SLCO6A1: variants seen among roughly 807,000 people sequenced by gnomAD.
SLCO6A1 encodes the protein solute carrier organic anion transporter family member 6A1.
SLCO6A1 carries 65 observed loss-of-function variants against 72.7 expected under a neutral mutation model. The observed-to-expected ratio is 0.89, with a 90% CI of 0.73 to 1.10. The LOEUF is 1.10. Ranked by LOEUF, SLCO6A1 falls within the 50% of genes least tolerant of loss-of-function variation. The pLI, the probability that SLCO6A1 is intolerant of heterozygous loss-of-function variation, is 0.00. For synonymous variants in SLCO6A1, 314 were observed against 298.2 expected, an observed-to-expected ratio of 1.05 and a Z score of -0.55; for missense variants, 874 against 872.6, an observed-to-expected ratio of 1.00 and a Z score of -0.02.
chr5:102,408,744 T>TA (rs1364349534), intron 9 of SLCO6A1, among the ~76,000 whole-genome samples: 53 of 152,062 alleles, frequency 3.5e-4, no homozygotes, highest in African/African-American at 1.3e-3. Flanking sequence ...TAAATAAAAG[T>TA]CAATATTGAT....
chr5:102,390,873 G>A (rs1051030335), intron 11 of SLCO6A1, 108 bp downstream of exon 11: 8 of 911,930 alleles, frequency 8.8e-6, no homozygotes, highest in East Asian at 2.7e-5. Flanking sequence ...CCTTTCACTC[G>A]CTTTGTGTCA....
chr5:102,441,356 T>C (rs1316863501), intron 6 of SLCO6A1, among the ~76,000 whole-genome samples: 2 of 152,188 alleles, frequency 1.3e-5, no homozygotes, highest in Non-Finnish European at 2.9e-5. Context: ...AGTGACTCTT[T>C]TATTACATAG....
intron 1 of SLCO6A1, among the ~76,000 whole-genome samples, chr5:102,487,169 T>C (rs1419058222): frequency 6.6e-6 from 1 of 152,180 alleles, no homozygotes; most frequent in Non-Finnish European, 1.5e-5. Context: ...GTTTTGTAAA[T>C]AAGCCTTTTG....
At chr5:102,473,611 C>T (rs1174622172) in intron 4 of SLCO6A1, among the ~76,000 whole-genome samples, 4 of 151,814 alleles carry the variant, frequency 2.6e-5, no homozygotes. Flanking sequence ...AGGTCCTAGC[C>T]AGAAAAATTG....
At position 102,422,344 on chromosome 5, in the gene SLCO6A1, T is replaced by G. The variant is rs182481781; in HGVS notation, c.1277-2323A>C. Among the ~76,000 whole-genome samples, 3 of 152,282 alleles carry G rather than the reference T, an allele frequency of 2.0e-5. No individual in the cohort carries two copies. In the East Asian group the frequency reaches 5.8e-4, roughly 29 times the overall value. ...ACTCCTCTGAGCTAAAGGAGCACATTCTAACCCAATGCAAGGAAGCTAAAA... is the reference window on the plus strand; with the variant it reads ...ACTCCTCTGAGCTAAAGGAGCACATGCTAACCCAATGCAAGGAAGCTAAAA... On this transcript the variant is annotated intron_variant, in intron 7 of 13. Transcript: ENST00000506729.
intron 4 of SLCO6A1, among the ~76,000 whole-genome samples, chr5:102,471,142 C>T (rs1255709303): frequency 1.3e-5 from 2 of 152,028 alleles, no homozygotes; most frequent in Non-Finnish European, 2.9e-5. Flanking sequence ...AAAAAAGAGA[C>T]AGAGGCTCAC....
At chr5:102,377,376 G>T (rs894456234) in intron 12 of SLCO6A1, among the ~76,000 whole-genome samples, 1 of 152,010 alleles carries the variant, frequency 6.6e-6, no homozygotes, top group African/African-American at 2.4e-5. Context: ...AGATACACAC[G>T]TAGAAGAGTA....
chr5:102,377,015 T>C (rs1166154956), intron 12 of SLCO6A1, among the ~76,000 whole-genome samples: 1 of 151,960 alleles, frequency 6.6e-6, no homozygotes, highest in Non-Finnish European at 1.5e-5. Context: ...AGTAAATAAA[T>C]TAGCCGGGCA....
At chr5:102,403,685 T>C (rs1318825890) in intron 9 of SLCO6A1, among the ~76,000 whole-genome samples, 1 of 152,146 alleles carries the variant, frequency 6.6e-6, no homozygotes, top group East Asian at 1.9e-4. Context: ...GCTTAAACTA[T>C]TTGAATTATT....
intron 7 of SLCO6A1, 40 bp downstream of exon 7, chr5:102,438,575 CAG>C (rs979671931): frequency 6.6e-7 from 1 of 1,522,268 alleles, no homozygotes; most frequent in Non-Finnish European, 8.8e-7. Flanking sequence ...TACAATAAGA[CAG>C]TGCAAAATTT....
chr5:102,483,071 G>T (rs1561498503), intron 1 of SLCO6A1, among the ~76,000 whole-genome samples: 1 of 152,242 alleles, frequency 6.6e-6, no homozygotes, highest in East Asian at 1.9e-4. Context: ...CTATAAATAA[G>T]ACCCCATTGA....
intron 1 of SLCO6A1, among the ~76,000 whole-genome samples, chr5:102,490,778 G>T (rs1441420437): frequency 6.6e-6 from 1 of 152,148 alleles, no homozygotes; most frequent in African/African-American, 2.4e-5. Flanking sequence ...GGTCTCGCTG[G>T]CTTCAGGAGT....
intron 9 of SLCO6A1, among the ~76,000 whole-genome samples, chr5:102,408,329 G>T (rs1747784688): frequency 6.6e-6 from 1 of 150,654 alleles, no homozygotes; most frequent in Non-Finnish European, 1.5e-5. Context: ...GGATGCAGGG[G>T]CTACTGTAAT....
chr5:102,372,043 G>T lies in SLCO6A1; in HGVS notation c.*96C>A, dbSNP rs138593658. ...AATGTGTGATTTTCCTCTTCTGAAA[G>T]TTGGGCACAGAAACAAATCTTGGAG... On this transcript the variant is annotated 3_prime_UTR_variant, in exon 14 of 14. Coordinates refer to ENST00000506729, the MANE Select transcript of SLCO6A1 (RefSeq NM_173488.5). The T allele has an allele frequency of 6.6e-6, 1 of 152,086 alleles. No homozygotes were observed. Among genetic ancestry groups the T allele is most frequent in the Non-Finnish European group, 1.5e-5 (1 of 67,886 alleles). The allele number at this position is 152,086 out of a possible 1,614,324, so 9.4% of individuals were successfully genotyped here.
intron 12 of SLCO6A1, 59 bp downstream of exon 12, chr5:102,388,629 C>A (rs1037310011): frequency 8.2e-7 from 1 of 1,226,238 alleles, no homozygotes; most frequent in South Asian, 1.7e-5. Flanking sequence ...TTACTATTAA[C>A]AACCATAACT....
At chr5:102,497,459 A>C (rs539365630) in intron 1 of SLCO6A1, among the ~76,000 whole-genome samples, 1 of 152,286 alleles carries the variant, frequency 6.6e-6, no homozygotes, top group South Asian at 2.1e-4. Flanking sequence ...TGACTCAACA[A>C]TATCCTCTCT....
chr5:102,460,057 C>T (rs1750945166), intron 4 of SLCO6A1, among the ~76,000 whole-genome samples: 1 of 145,334 alleles, frequency 6.9e-6, no homozygotes, highest in Admixed American at 6.8e-5. Context: ...GTACTTGTTT[C>T]TTCCTATTTA....
chr5:102,376,768 G>A (rs1157688559), intron 12 of SLCO6A1, among the ~76,000 whole-genome samples: 1 of 152,142 alleles, frequency 6.6e-6, no homozygotes, highest in African/African-American at 2.4e-5. Flanking sequence ...CATCTGATAG[G>A]TCATAAGAGA....
chr5:102,387,731 C>T (rs41389647), intron 12 of SLCO6A1, among the ~76,000 whole-genome samples: 10,892 of 151,948 alleles, frequency 0.072, 448 homozygotes, highest in African/African-American at 0.1. Context: ...CTCAGTGAAA[C>T]CATAAAACAT....
Sources: gnomAD v4.1 joint callset for allele counts (sites outside exome capture counted in the v4.1 genomes callset) on GRCh38, gnomAD v4.1.1 for gene constraint, MANE v1.5 for transcripts, NCBI Gene and HGNC (gene_info 2026-07-23, HGNC 2026-07-21) for gene names.